Variants in BBOX1 observed in about 807,000 individuals in gnomAD.
BBOX1 encodes gamma-butyrobetaine dioxygenase.
In BBOX1, 35 loss-of-function variants were observed where a neutral mutation model predicts 41.6. That is an observed-to-expected ratio of 0.84 (90% confidence interval 0.64 to 1.11). The LOEUF (loss-of-function observed/expected upper bound fraction) is 1.11, where lower values mean the gene tolerates loss of function less well. Ranked by LOEUF, BBOX1 falls within the 50% of genes most tolerant of loss-of-function variation. BBOX1 has a pLI of 0.00. For missense variants in BBOX1, 458 were observed against 460.6 expected (o/e 0.99, Z 0.05); for synonymous variants, 163 against 154.7 (o/e 1.05, Z -0.40).
At chr11:27,048,679 A>G (rs1851568584) in intron 2 of BBOX1, among the ~76,000 whole-genome samples, 1 of 151,544 alleles carries the variant, frequency 6.6e-6, no homozygotes, top group African/African-American at 2.4e-5. Context: ...GAATGCAAAT[A>G]TCTCATTGAC....
At chr11:27,047,798 A>C (rs1851532116) in intron 2 of BBOX1, among the ~76,000 whole-genome samples, 1 of 152,028 alleles carries the variant, frequency 6.6e-6, no homozygotes, top group African/African-American at 2.4e-5. Flanking sequence ...TCAATGAGTT[A>C]TTATACATAA....
intron 4 of BBOX1, among the ~76,000 whole-genome samples, chr11:27,088,010 C>T (rs1358807488): frequency 6.6e-6 from 1 of 151,928 alleles, no homozygotes; most frequent in African/African-American, 2.4e-5. Context: ...TAACTTTACA[C>T]ATCTAAAAGA....
intron 4 of BBOX1, among the ~76,000 whole-genome samples, chr11:27,060,047 A>T (rs1471883037): frequency 6.6e-6 from 1 of 152,118 alleles, no homozygotes; most frequent in Non-Finnish European, 1.5e-5. Context: ...GAAGTACATG[A>T]GATTTGGGGG....
intron 5 of BBOX1, among the ~76,000 whole-genome samples, chr11:27,110,120 T>C (rs1859003692): frequency 6.6e-6 from 1 of 151,926 alleles, no homozygotes; most frequent in Non-Finnish European, 1.5e-5. Context: ...AGAATCCTGA[T>C]AACTCTACCT....
At chr11:27,064,906 G>GAAA (rs140743479) in intron 4 of BBOX1, among the ~76,000 whole-genome samples, 5 of 146,744 alleles carry the variant, frequency 3.4e-5, no homozygotes, top group East Asian at 4.0e-4. Context: ...TGTCAGACAT[G>GAAA]AAAAAAAAAA....
intron 4 of BBOX1, among the ~76,000 whole-genome samples, chr11:27,084,612 G>C (rs1394706860): frequency 3.3e-5 from 5 of 152,046 alleles, no homozygotes; most frequent in Non-Finnish European, 5.9e-5. Context: ...CTGATCCCCT[G>C]CATATTCAAT....
intron 2 of BBOX1, among the ~76,000 whole-genome samples, chr11:27,051,041 A>G (rs1851655602): frequency 1.3e-5 from 2 of 152,048 alleles, no homozygotes; most frequent in Non-Finnish European, 2.9e-5. Flanking sequence ...TTATTATCAT[A>G]AAAGGATGTT....
At position 27,127,420 on chromosome 11, in the gene BBOX1, T is replaced by A; in HGVS notation, c.1131T>A (p.Arg377=). The A allele has an allele frequency of 1.2e-6, 2 of 1,613,030 alleles. No homozygotes were observed. Among genetic ancestry groups the A allele is most frequent in the Non-Finnish European group, 1.7e-6 (2 of 1,179,806 alleles). ...ADWDVVMSRL[R]ILRQRVENGN ...GGGATGTGGTCATGTCAAGGCTTCG[T>A]ATCTTAAGGCAGAGGGTGGAGAATG... Residue 377 remains arginine (R), a synonymous_variant, in exon 9 of 9, where the codon CGT becomes CGA. Coordinates refer to ENST00000263182, the MANE Select transcript of BBOX1 (RefSeq NM_003986.3).
At chr11:27,064,249 T>C (rs554985907) in intron 4 of BBOX1, among the ~76,000 whole-genome samples, 49 of 152,190 alleles carry the variant, frequency 3.2e-4, no homozygotes, top group African/African-American at 1.1e-3. Context: ...GTATCAGGGC[T>C]GCCAGGTCAG....
intron 5 of BBOX1, among the ~76,000 whole-genome samples, chr11:27,097,657 C>T (rs1429800176): frequency 2.0e-5 from 3 of 151,972 alleles, no homozygotes; most frequent in Non-Finnish European, 4.4e-5. Flanking sequence ...TGAAAAGTAA[C>T]CCCGGACTTT....
At chr11:27,070,848 A>G (rs1857423514) in intron 4 of BBOX1, among the ~76,000 whole-genome samples, 1 of 151,066 alleles carries the variant, frequency 6.6e-6, no homozygotes, top group Non-Finnish European at 1.5e-5. Context: ...TTATTTTCTC[A>G]TTGTATTACT....
intron 5 of BBOX1, among the ~76,000 whole-genome samples, chr11:27,096,708 G>A (rs1384527117): frequency 1.3e-5 from 2 of 151,690 alleles, no homozygotes; most frequent in Admixed American, 6.6e-5. Context: ...TTGGTTGGAT[G>A]AACAAAAAAA....
intron 5 of BBOX1, among the ~76,000 whole-genome samples, chr11:27,095,585 C>T (rs1358082289): frequency 6.6e-6 from 1 of 151,884 alleles, no homozygotes; most frequent in Non-Finnish European, 1.5e-5. Context: ...ACATTTCTTA[C>T]CTGAATCTCT....
chr11:27,107,387 A>G (rs1858908867), intron 5 of BBOX1, among the ~76,000 whole-genome samples: 1 of 152,052 alleles, frequency 6.6e-6, no homozygotes, highest in Admixed American at 6.6e-5. Context: ...CAAATGGCTC[A>G]GTGGAAATAC....
At chr11:27,122,157 CT>C (rs1859487221) in intron 7 of BBOX1, among the ~76,000 whole-genome samples, 2 of 152,042 alleles carry the variant, frequency 1.3e-5, no homozygotes, top group Admixed American at 1.3e-4. Flanking sequence ...ACAAAAATGT[CT>C]TTTATGCTGC....
At chr11:27,127,164 C>T in intron 8 of BBOX1, 129 bp from the exon 9 acceptor site, 1 of 1,024,898 alleles carries the variant, frequency 9.8e-7, no homozygotes. Flanking sequence ...TGTGCAGTTT[C>T]ATGTAAAGAA....
At chr11:27,119,464 TAAGA>T (rs1172522994) in intron 6 of BBOX1, among the ~76,000 whole-genome samples, 181 bp from the exon 7 acceptor site, 2 of 151,578 alleles carry the variant, frequency 1.3e-5, no homozygotes, top group East Asian at 1.9e-4. Context: ...TCTGATGACA[TAAGA>T]AAGACAAAAA....
chr11:27,120,451 T>C (rs1859423720), intron 7 of BBOX1, among the ~76,000 whole-genome samples: 1 of 152,118 alleles, frequency 6.6e-6, no homozygotes, highest in African/African-American at 2.4e-5. Context: ...GATCACATGT[T>C]CAACTCTGGA....
intron 7 of BBOX1, among the ~76,000 whole-genome samples, chr11:27,123,671 C>T (rs186700974): frequency 5.6e-4 from 86 of 152,254 alleles, no homozygotes; most frequent in Non-Finnish European, 9.8e-4. Flanking sequence ...AGCATGAACT[C>T]TAAGGGGGTA....
Sources: gnomAD v4.1 joint callset for allele counts (sites outside exome capture counted in the v4.1 genomes callset) on GRCh38, gnomAD v4.1.1 for gene constraint, MANE v1.5 for transcripts, NCBI Gene and HGNC (gene_info 2026-07-23, HGNC 2026-07-21) for gene names.